The following DMXL1 variants were observed in gnomAD, a reference collection of about 807,000 sequenced individuals.
DMXL1 encodes the protein dmX-like protein 1.
In DMXL1, 99 loss-of-function variants were observed where a neutral mutation model predicts 319.2. The observed-to-expected ratio is 0.31, with a 90% CI of 0.26 to 0.37. The LOEUF (loss-of-function observed/expected upper bound fraction) is 0.37. Among genes scored for constraint, DMXL1 ranks in the 10% least tolerant of loss-of-function variants. The probability of loss-of-function intolerance (pLI) is 1.00; values close to 1 mark genes in which losing one functional copy is unlikely to be tolerated. For synonymous variants in DMXL1, 1,385 were observed against 1,235.2 expected, an observed-to-expected ratio of 1.12 and a Z score of -2.54; for missense variants, 3,745 against 3,595.6, an observed-to-expected ratio of 1.04 and a Z score of -1.06.
chr5:119,113,265 C>G (rs117904453), intron 5 of DMXL1, among the ~76,000 whole-genome samples: 5 of 152,082 alleles, frequency 3.3e-5, no homozygotes, highest in Non-Finnish European at 7.4e-5. Flanking sequence ...TTGTTCGAGA[C>G]GGAGTCTTGC....
At chr5:119,125,673 TCCTG>T (rs1456842886) in intron 9 of DMXL1, among the ~76,000 whole-genome samples, 3 of 152,046 alleles carry the variant, frequency 2.0e-5, no homozygotes, top group East Asian at 3.9e-4. Context: ...CATGCCATTC[TCCTG>T]CCTCTGCCTC....
chr5:119,073,158 G>A (rs926743238), intron 1 of DMXL1, among the ~76,000 whole-genome samples: 6 of 152,156 alleles, frequency 3.9e-5, no homozygotes, highest in Non-Finnish European at 7.3e-5. Flanking sequence ...GACCTCCCCG[G>A]CACAAGCCGT....
chr5:119,081,045 C>G (rs979623855), intron 1 of DMXL1, among the ~76,000 whole-genome samples: 1 of 152,136 alleles, frequency 6.6e-6, no homozygotes, highest in African/African-American at 2.4e-5. Context: ...CAGATGTTAC[C>G]CACTAGAATT....
In DMXL1 at chr5:119,080,081, G is replaced by A. The variant is rs906019428; in HGVS notation, c.87+8425G>A. On this transcript the variant is annotated intron_variant, in intron 1 of 43. Coordinates refer to ENST00000539542, the MANE Select transcript of DMXL1 (RefSeq NM_001290321.3). ...CAAATAATCAATTTTAAAATGTTCT[G>A]CACGCCTGTAATCCCAGCACTTTGG... Among the ~76,000 whole-genome samples, 4 of 152,102 alleles carry A rather than the reference G, an allele frequency of 2.6e-5. No individual in the cohort carries two copies. In the East Asian group the frequency reaches 5.8e-4, roughly 22 times the overall value.
At chr5:119,195,052 G>T (rs1180055371) in intron 30 of DMXL1, among the ~76,000 whole-genome samples, 1 of 151,652 alleles carries the variant, frequency 6.6e-6, no homozygotes, top group Non-Finnish European at 1.5e-5. Flanking sequence ...ATATGCATTA[G>T]GATGGCTACC....
At chr5:119,101,371 G>A (rs79946571) in intron 2 of DMXL1, among the ~76,000 whole-genome samples, 3,291 of 151,426 alleles carry the variant, frequency 0.022, 59 homozygotes, top group Admixed American at 0.036. Context: ...ATATTTTGAT[G>A]TTCTTTATAT....
chr5:119,246,459 A>T (rs1167112412), intron 43 of DMXL1, among the ~76,000 whole-genome samples: 8 of 152,142 alleles, frequency 5.3e-5, no homozygotes, highest in Non-Finnish European at 1.0e-4. Context: ...CTCTTACTAG[A>T]TGGATTTTTA....
intron 39 of DMXL1, among the ~76,000 whole-genome samples, chr5:119,234,130 C>G (rs112020979): frequency 8.2e-4 from 125 of 152,180 alleles, no homozygotes; most frequent in African/African-American, 2.8e-3. Context: ...TCTAGAGCAT[C>G]CTTTACTGTC....
intron 42 of DMXL1, among the ~76,000 whole-genome samples, chr5:119,243,045 GGGA>G (rs1420785234): frequency 1.3e-5 from 2 of 152,126 alleles, no homozygotes; most frequent in Non-Finnish European, 2.9e-5. Flanking sequence ...GCTTTTGTTG[GGGA>G]GGAGAATTGA....
At chr5:119,239,216 TG>T in intron 41 of DMXL1, 136 bp downstream of exon 41, 2 of 973,394 alleles carry the variant, frequency 2.1e-6, no homozygotes, top group Admixed American at 2.6e-5. Flanking sequence ...TATTATTTAT[TG>T]GCCATGTTAT....
At chr5:119,119,041 A>G in intron 8 of DMXL1, 37 bp downstream of exon 8, 1 of 1,480,724 alleles carries the variant, frequency 6.8e-7, no homozygotes, top group Non-Finnish European at 9.2e-7. Flanking sequence ...TACAAGTTTT[A>G]AAACCTTTGG....
intron 28 of DMXL1, among the ~76,000 whole-genome samples, 155 bp downstream of exon 28, chr5:119,178,399 T>G (rs1776216585): frequency 6.6e-6 from 1 of 152,224 alleles, no homozygotes; most frequent in African/African-American, 2.4e-5. Flanking sequence ...AAATGCAGTA[T>G]TAAAGTTTCT....
At chr5:119,098,488 T>C (rs114857986) in intron 2 of DMXL1, among the ~76,000 whole-genome samples, 1,597 of 152,184 alleles carry the variant, frequency 0.01, 10 homozygotes, top group Non-Finnish European at 0.016. Context: ...GTTATCTCCT[T>C]GTAACTTCTA....
At chr5:119,075,160 A>G (rs1166085651) in intron 1 of DMXL1, among the ~76,000 whole-genome samples, 2 of 152,088 alleles carry the variant, frequency 1.3e-5, no homozygotes, top group African/African-American at 4.8e-5. Flanking sequence ...TAATATAAAT[A>G]TTAATTGCTA....
At chr5:119,237,452 T>C (rs1787964194) in intron 40 of DMXL1, 38 bp downstream of exon 40, 2 of 1,321,964 alleles carry the variant, frequency 1.5e-6, no homozygotes, top group African/African-American at 1.5e-5. Context: ...AAAATTTGAA[T>C]TTTCATTTTA....
intron 19 of DMXL1, among the ~76,000 whole-genome samples, chr5:119,160,153 A>G (rs948574068): frequency 6.6e-6 from 1 of 152,026 alleles, no homozygotes; most frequent in African/African-American, 2.4e-5. Context: ...ATATATATAT[A>G]TGGGGGGAGG....
intron 1 of DMXL1, among the ~76,000 whole-genome samples, chr5:119,072,458 G>A (rs1283669288): frequency 6.6e-6 from 1 of 151,950 alleles, no homozygotes; most frequent in African/African-American, 2.4e-5. Flanking sequence ...GCTACAATTT[G>A]TGTAGATACC....
At chr5:119,073,958 G>A (rs1423040232) in intron 1 of DMXL1, among the ~76,000 whole-genome samples, 4 of 149,452 alleles carry the variant, frequency 2.7e-5, no homozygotes, top group Non-Finnish European at 4.4e-5. Flanking sequence ...CGCTGTCGTT[G>A]CCCAGGCTGG....
At chr5:119,090,685 C>G (rs1754590473) in intron 1 of DMXL1, among the ~76,000 whole-genome samples, 1 of 151,756 alleles carries the variant, frequency 6.6e-6, no homozygotes, top group Admixed American at 6.6e-5. Context: ...GCCTCAGCCT[C>G]CCAAGTAGCT....
Sources: gnomAD v4.1 joint callset for allele counts (sites outside exome capture counted in the v4.1 genomes callset) on GRCh38, gnomAD v4.1.1 for gene constraint, MANE v1.5 for transcripts, NCBI Gene and HGNC (gene_info 2026-07-23, HGNC 2026-07-21) for gene names.